Variants in ADAM29 observed in about 807,000 individuals in gnomAD.
The protein encoded by ADAM29 is disintegrin and metalloproteinase domain-containing protein 29.
For synonymous variants in ADAM29, 367 were observed against 342.3 expected (o/e 1.07, Z -0.80); for missense variants, 969 against 1,001.8 (o/e 0.97, Z 0.44).
chr4:174,935,305 T>C (rs970944005), intron 3 of ADAM29, among the ~76,000 whole-genome samples: 59 of 152,078 alleles, frequency 3.9e-4, no homozygotes, highest in Non-Finnish European at 1.3e-4. Context: ...TACCTTCCCA[T>C]GTGGAATTCA....
intron 4 of ADAM29, among the ~76,000 whole-genome samples, chr4:174,962,472 A>G (rs990901426): frequency 1.3e-5 from 2 of 150,770 alleles, no homozygotes; most frequent in Non-Finnish European, 2.9e-5. Context: ...AGATCGCGCC[A>G]CTGCACTCCA....
chr4:174,964,586 C>CTATTTTACTAAAAA (rs1746044919), intron 4 of ADAM29, among the ~76,000 whole-genome samples: 1 of 151,992 alleles, frequency 6.6e-6, no homozygotes, highest in Non-Finnish European at 1.5e-5. Context: ...CATAATCTAT[C>CTATTTTACTAAAAA]TATTTTACTA....
chr4:174,941,985 A>G (rs1744565170), intron 4 of ADAM29, among the ~76,000 whole-genome samples: 1 of 152,228 alleles, frequency 6.6e-6, no homozygotes, highest in African/African-American at 2.4e-5. Context: ...CAAAGAGGCT[A>G]CAGGCCCCAC....
At chr4:174,931,239 G>A (rs1254748836) in intron 3 of ADAM29, 65 bp downstream of exon 3, 1 of 152,142 alleles carries the variant, frequency 6.6e-6, no homozygotes, top group East Asian at 1.9e-4. Flanking sequence ...GCCAACACTG[G>A]CATGTGCGCA....
intron 4 of ADAM29, among the ~76,000 whole-genome samples, chr4:174,956,501 T>TGC (rs1745509671): frequency 7.1e-6 from 1 of 140,368 alleles, no homozygotes; most frequent in Non-Finnish European, 1.5e-5. Context: ...TGTCTGTGTG[T>TGC]GTGTGTTTGT....
In ADAM29 at chr4:174,977,293, A is replaced by T; in HGVS notation, c.1768A>T (p.Met590Leu). The T allele has an allele frequency of 6.2e-7, 1 of 1,613,786 alleles. No homozygotes were observed. The highest frequency in any genetic ancestry group is 1.6e-4 in the Middle Eastern group (1 of 6,062). ...MCWSTDYHLG[M>L]KGPDIGEVKD... ...CTGGAGTACTGATTACCATTTGGGG[A>T]TGAAGGGACCTGATATTGGTGAAGT... is the stretch of plus-strand genomic sequence containing the variant. Residue 590 changes from methionine (M) to leucine (L), a missense_variant, in exon 5 of 5, where the codon ATG (methionine) becomes TTG (leucine). Coordinates refer to ENST00000359240, the MANE Select transcript of ADAM29 (RefSeq NM_014269.4).
At chr4:174,958,775 A>C (rs538236780) in intron 4 of ADAM29, among the ~76,000 whole-genome samples, 2 of 151,836 alleles carry the variant, frequency 1.3e-5, no homozygotes, top group South Asian at 4.1e-4. Context: ...TTGGCACAGT[A>C]GTTACACTTC....
At position 174,921,478 on chromosome 4, in the gene ADAM29, C is replaced by G. The variant is rs534401108; in HGVS notation, c.-451+686C>G. 1.2e-4 allele frequency among the ~76,000 whole-genome samples: 19 copies of G among 152,230 alleles called. No individual in the cohort carries two copies. The East Asian group carries it at 3.5e-3, about 28-fold the overall frequency. On this transcript the variant is annotated intron_variant, in intron 2 of 4. Coordinates refer to ENST00000359240, the MANE Select transcript of ADAM29 (RefSeq NM_014269.4). ...ATATTATCTGACAAACCCATATGGG[C>G]ATTTTGGCCAAAACCAGATCATTGA...
intron 4 of ADAM29, among the ~76,000 whole-genome samples, chr4:174,970,340 C>T (rs192341428): frequency 2.6e-5 from 4 of 152,116 alleles, no homozygotes; most frequent in South Asian, 2.1e-4. Flanking sequence ...TGTATTATAC[C>T]GTGAGTCCAA....
At chr4:174,973,574 C>T (rs957019976) in intron 4 of ADAM29, among the ~76,000 whole-genome samples, 2 of 152,194 alleles carry the variant, frequency 1.3e-5, no homozygotes, top group Non-Finnish European at 2.9e-5. Flanking sequence ...ATGCTTGATC[C>T]TATTTAAACT....
intron 3 of ADAM29, among the ~76,000 whole-genome samples, chr4:174,933,095 T>C (rs559194483): frequency 5.1e-4 from 78 of 152,266 alleles, no homozygotes; most frequent in Non-Finnish European, 8.8e-4. Context: ...TAATTGTGAT[T>C]AGAAGAATCT....
chr4:174,928,864 T>G (rs1560860963), intron 2 of ADAM29, among the ~76,000 whole-genome samples: 2 of 152,178 alleles, frequency 1.3e-5, no homozygotes, highest in Admixed American at 6.5e-5. Context: ...TCTCAGGACC[T>G]GGAGAAAGAC....
At position 174,922,778 on chromosome 4, in the gene ADAM29, T is replaced by C. The variant is rs149398958; in HGVS notation, c.-451+1986T>C. On this transcript the variant is annotated intron_variant, in intron 2 of 4. Coordinates refer to ENST00000359240, the MANE Select transcript of ADAM29 (RefSeq NM_014269.4). ...ATTTTATCCCCCCACTATCACATTCTTGTGATAATCACATCTTTTAAATCT... is the reference window on the plus strand; with the variant it reads ...ATTTTATCCCCCCACTATCACATTCCTGTGATAATCACATCTTTTAAATCT... 4.5e-4 allele frequency among the ~76,000 whole-genome samples: 69 copies of C among 152,198 alleles called. 1 individual carries two copies. The East Asian group carries it at 0.012, about 26-fold the overall frequency.
rs1452994984 is a variant in ADAM29, at chr4:174,920,425, C to T, written c.-556-262C>T. On this transcript the variant is annotated intron_variant, in intron 1 of 4. Transcript: ENST00000359240. Reference sequence around the variant, plus strand: ...TAATACTTTAAATACTATTAATCTTCTTCCATTAGAAGAGGGAAGCTCATG... The same window carrying T: ...TAATACTTTAAATACTATTAATCTTTTTCCATTAGAAGAGGGAAGCTCATG... Among the ~76,000 whole-genome samples, 4 of 152,136 alleles carry T rather than the reference C, an allele frequency of 2.6e-5. No individual in the cohort carries two copies. The South Asian group carries it at 6.2e-4, about 24-fold the overall frequency.
At chr4:174,932,105 A>G (rs1252931473) in intron 3 of ADAM29, among the ~76,000 whole-genome samples, 2 of 152,080 alleles carry the variant, frequency 1.3e-5, no homozygotes, top group Non-Finnish European at 2.9e-5. Context: ...CCTGATTAAC[A>G]TGGTGAAAAC....
chr4:174,929,297 TAGAAAGCATATTCTGATGCTTTCAAA>T (rs1282275683), intron 2 of ADAM29, among the ~76,000 whole-genome samples: 1 of 152,210 alleles, frequency 6.6e-6, no homozygotes, highest in Non-Finnish European at 1.5e-5. Context: ...TGACTTTCTT[TAGAAAGCATATTCTGATGCTTTCAAA>T]AAGACCCAGC....
intron 4 of ADAM29, among the ~76,000 whole-genome samples, chr4:174,940,135 A>G (rs1744444477): frequency 6.6e-6 from 1 of 152,080 alleles, no homozygotes; most frequent in Admixed American, 6.6e-5. Flanking sequence ...TCTCAGGGTA[A>G]AGTGGTTAGT....
intron 1 of ADAM29, among the ~76,000 whole-genome samples, 187 bp from the exon 2 acceptor site, chr4:174,920,500 C>T (rs2110884642): frequency 1.3e-5 from 2 of 152,138 alleles, no homozygotes; most frequent in East Asian, 3.9e-4. Context: ...TTAAAACACG[C>T]TAATAAATTA....
intron 2 of ADAM29, among the ~76,000 whole-genome samples, chr4:174,928,822 C>T (rs1164859547): frequency 6.6e-6 from 1 of 152,164 alleles, no homozygotes. Context: ...GGCACTCCAT[C>T]TTTCTTGGTG....
Sources: allele counts gnomAD v4.1 joint callset (sites outside exome capture counted in the v4.1 genomes callset), GRCh38; gene constraint gnomAD v4.1.1; transcripts MANE v1.5; gene names NCBI Gene and HGNC (gene_info 2026-07-23, HGNC 2026-07-21).